Variants in PCDHGB6 observed in about 807,000 individuals in gnomAD.
PCDHGB6 encodes the protein protocadherin gamma-B6.
In PCDHGB6, 51 loss-of-function variants were observed where a neutral mutation model predicts 59.1. That is an observed-to-expected ratio of 0.86 (90% CI 0.69 to 1.09). The LOEUF is 1.09. Ranked by LOEUF, PCDHGB6 falls within the 50% of genes least tolerant of loss-of-function variation. The pLI is 0.00. For missense variants in PCDHGB6, 1,148 were observed against 1,205.1 expected (o/e 0.95, Z 0.70); for synonymous variants, 466 against 495.1 (o/e 0.94, Z 0.78).
intron 1 of PCDHGB6, among the ~76,000 whole-genome samples, chr5:141,451,829 C>T (rs564970982): frequency 1.2e-4 from 18 of 151,422 alleles, no homozygotes; most frequent in African/African-American, 4.1e-4. Flanking sequence ...TACAGTGAGC[C>T]GAGATCACAC....
chr5:141,455,928 C>T (rs1160778812), intron 1 of PCDHGB6, among the ~76,000 whole-genome samples: 3 of 151,158 alleles, frequency 2.0e-5, no homozygotes, highest in African/African-American at 4.9e-5. Context: ...GACGGAGTCT[C>T]GCTCTGTCGC....
chr5:141,409,766 C>G lies in PCDHGB6; in HGVS notation c.1564C>G (p.His522Asp). ...GGTGTTCGCGCAGCGCGCCTTTGAT[C>G]ACGAGCAGCTGCGCGCCTTCGCGCT... is the stretch of plus-strand genomic sequence containing the variant. ...GVVFAQRAFD[H>D]EQLRAFALTL... Residue 522 changes from histidine (H) to aspartate (D), a missense_variant, in exon 1 of 4, where the codon CAC becomes GAC. Physicochemically the swap from His to Asp is moderately conservative, Grantham distance 81. This residue lies in a region of PCDHGB6 where 549 missense variants were observed against 527.5 expected (regional missense o/e 1.04). Transcript: ENST00000520790. 1 of 1,612,910 alleles carries G rather than the reference C, an allele frequency of 6.2e-7. No individual in the cohort carries two copies. The highest frequency in any genetic ancestry group is 8.5e-7 in the Non-Finnish European group (1 of 1,179,794).
In PCDHGB6 at chr5:141,490,540, C is replaced by T; in HGVS notation, c.2419-4267C>T. The T allele has an allele frequency of 6.2e-7, 1 of 1,614,148 alleles. No homozygotes were observed. Among genetic ancestry groups the T allele is most frequent in the Non-Finnish European group, 8.5e-7 (1 of 1,180,024 alleles). ...GGCCAGCGATGCTGGTTCACCTTCC[C>T]TACACAAACATCTCACCATCAGGCT... On this transcript the variant is annotated intron_variant, in intron 1 of 3. Coordinates refer to ENST00000520790, the MANE Select transcript of PCDHGB6 (RefSeq NM_018926.3). This position sits in a 1 kb window ranked among gnomAD's most constrained non-coding sequence, Gnocchi z 5.4.
intron 1 of PCDHGB6, chr5:141,440,191 A>G (rs1239698049): frequency 1.3e-5 from 2 of 152,376 alleles, no homozygotes; most frequent in African/African-American, 4.8e-5. Context: ...GTTGAAGGCC[A>G]GGCATGGTGG....
intron 3 of PCDHGB6, among the ~76,000 whole-genome samples, chr5:141,509,450 C>A (rs2099876883): frequency 6.6e-6 from 1 of 152,128 alleles, no homozygotes; most frequent in Non-Finnish European, 1.5e-5. Context: ...CCTCTCCCAC[C>A]CCCGACCCAG....
At position 141,486,548 on chromosome 5, in the gene PCDHGB6, T is replaced by C; in HGVS notation, c.2419-8259T>C. 1 of 1,614,100 alleles carries C rather than the reference T, an allele frequency of 6.2e-7. No individual in the cohort carries two copies. ...TAATCCACCCTCTTTCTTTCAGAGG[T>C]CACATGAGGTGTTTGTTCCTGAGAA... is the stretch of plus-strand genomic sequence containing the variant. On this transcript the variant is annotated intron_variant, in intron 1 of 3. Coordinates refer to ENST00000520790, the MANE Select transcript of PCDHGB6 (RefSeq NM_018926.3). The surrounding 1 kb of genome is among the most constrained non-coding windows in gnomAD (Gnocchi z 5.0).
chr5:141,415,602 A>G (rs1208876851), intron 1 of PCDHGB6: 2 of 1,613,602 alleles, frequency 1.2e-6, no homozygotes, highest in African/African-American at 2.7e-5. Flanking sequence ...AGGATACCCC[A>G]TTGGTTCCAG....
At chr5:141,455,899 ATTTATTT>A (rs1441561749) in intron 1 of PCDHGB6, among the ~76,000 whole-genome samples, 5 of 148,258 alleles carry the variant, frequency 3.4e-5, no homozygotes, top group African/African-American at 1.2e-4. Context: ...TTATTTATTT[ATTTATTT>A]ATTTATTTTG....
chr5:141,408,965 C>A lies in PCDHGB6; in HGVS notation c.763C>A (p.Leu255Met). ...DEYRISLSEN[L>M]PPGSPVLQVT... ...ATATAGAATTAGTCTTAGTGAAAAT[C>A]TGCCCCCTGGGTCCCCTGTGTTGCA... The change falls in exon 1 of 4, where the codon CTG (leucine) becomes ATG (methionine). Residue 255 changes from leucine to methionine, a missense_variant. Leu to Met is a conservative substitution (Grantham distance 15). Around this residue, in one of 5 missense-constraint regions of PCDHGB6, gnomAD observed 307 missense variants for 323.8 expected, o/e 0.95. Transcript: ENST00000520790. 5 of 1,613,806 alleles carry A rather than the reference C, an allele frequency of 3.1e-6. No homozygotes were observed. The highest frequency in any genetic ancestry group is 4.2e-6 in the Non-Finnish European group (5 of 1,179,838).
intron 1 of PCDHGB6, chr5:141,414,354 T>C (rs1389145668): frequency 1.2e-6 from 2 of 1,613,800 alleles, no homozygotes; most frequent in Admixed American, 1.7e-5. Flanking sequence ...TTTTGGCGTA[T>C]CTACCATTTA....
intron 1 of PCDHGB6, among the ~76,000 whole-genome samples, chr5:141,438,647 CACACAT>C (rs1324641788): frequency 3.8e-5 from 4 of 106,486 alleles, no homozygotes; most frequent in South Asian, 2.8e-4. Flanking sequence ...CACACACACA[CACACAT>C]ATATGTATAT....
At chr5:141,417,710 T>A in intron 1 of PCDHGB6, 2 of 1,249,348 alleles carry the variant, frequency 1.6e-6, no homozygotes, top group Admixed American at 5.9e-5. Context: ...ACACAGAGGC[T>A]CCCGGCTGCG....
At chr5:141,481,649 C>G (rs1199734660) in intron 1 of PCDHGB6, among the ~76,000 whole-genome samples, 1 of 152,012 alleles carries the variant, frequency 6.6e-6, no homozygotes, top group African/African-American at 2.4e-5. Flanking sequence ...GAAACTTCAT[C>G]TCTACTAATA....
chr5:141,408,720 A>G lies in PCDHGB6; in HGVS notation c.518A>G (p.Asn173Ser), dbSNP rs1325828281. 6.2e-7 allele frequency: 1 copy of G among 1,611,214 alleles called. No individual in the cohort carries two copies. Among genetic ancestry groups the G allele is most frequent in the African/African-American group, 1.3e-5 (1 of 74,670 alleles). Residue 173 changes from asparagine (N) to serine (S), a missense_variant, in exon 1 of 4, where the codon AAC (asparagine) becomes AGC (serine). Coordinates refer to ENST00000520790, the MANE Select transcript of PCDHGB6 (RefSeq NM_018926.3). The stretch of plus-strand genomic sequence containing the variant: ...AACTCAATTAAAGATTATAAGATAA[A>G]CTCTAATCCTTATTTTTCATTAATG... ...NINSIKDYKI[N>S]SNPYFSLMVR... is the part of the protein sequence containing the mutation.
At position 141,512,574 on chromosome 5, in the gene PCDHGB6, C is replaced by T. The variant is rs1429371202; in HGVS notation, c.*1401C>T. 6.5e-6 allele frequency: 1 copy of T among 152,884 alleles called. No homozygotes were observed. Among genetic ancestry groups the T allele is most frequent in the Non-Finnish European group, 1.5e-5 (1 of 68,502 alleles). The allele number at this position is 152,884 out of a possible 1,614,324, so 9.5% of individuals were successfully genotyped here. On this transcript the variant is annotated 3_prime_UTR_variant, in exon 4 of 4. Coordinates refer to ENST00000520790, the MANE Select transcript of PCDHGB6 (RefSeq NM_018926.3). ...GTGCATAGACCTTCTTCTCCCACCCCCTTCTGCCCCTGGGTCCCCGGCCAT... is the reference window on the plus strand; with the variant it reads ...GTGCATAGACCTTCTTCTCCCACCCTCTTCTGCCCCTGGGTCCCCGGCCAT...
chr5:141,432,025 G>T lies in PCDHGB6; in HGVS notation c.2418+21405G>T. ...AGGTTCCTAGCTACAACATCACAGT[G>T]ACCGCCACTGACCGGGGAACCCCGC... On this transcript the variant is annotated intron_variant, in intron 1 of 3. Coordinates refer to ENST00000520790, the MANE Select transcript of PCDHGB6 (RefSeq NM_018926.3). The surrounding 1 kb of genome is among the most constrained non-coding windows in gnomAD (Gnocchi z 6.0). The T allele has an allele frequency of 6.2e-7, 1 of 1,614,158 alleles. No homozygotes were observed. The highest frequency in any genetic ancestry group is 1.1e-5 in the South Asian group (1 of 91,058).
chr5:141,408,188 G>A lies in PCDHGB6; in HGVS notation c.-15G>A. ...AACTGGAAAAGCGGGGACCCAGCGA[G>A]AACCCGAGCGAACGATGGGAGGGAG... On this transcript the variant is annotated 5_prime_UTR_variant, in exon 1 of 4. Coordinates refer to ENST00000520790, the MANE Select transcript of PCDHGB6 (RefSeq NM_018926.3). The A allele has an allele frequency of 3.9e-6, 6 of 1,543,620 alleles. No homozygotes were observed. The highest frequency in any genetic ancestry group is 4.4e-6 in the Non-Finnish European group (5 of 1,142,256).
rs1428628914 is a variant in PCDHGB6, at chr5:141,487,223, G to A, written c.2419-7584G>A. 1.2e-6 allele frequency: 2 copies of A among 1,614,076 alleles called. No homozygotes were observed. The highest frequency in any genetic ancestry group is 2.2e-5 in the East Asian group (1 of 44,866). The stretch of plus-strand genomic sequence containing the variant: ...TCTTCGAGAATCTTCAGCTCCAAGG[G>A]AAGGAGAATCTCGTCTAACCCTCTA... On this transcript the variant is annotated intron_variant, in intron 1 of 3. Transcript: ENST00000520790. This position sits in a 1 kb window ranked among gnomAD's most constrained non-coding sequence, Gnocchi z 5.0.
chr5:141,486,909 C>A lies in PCDHGB6; in HGVS notation c.2419-7898C>A, dbSNP rs759702188. On this transcript the variant is annotated intron_variant, in intron 1 of 3. Coordinates refer to ENST00000520790, the MANE Select transcript of PCDHGB6 (RefSeq NM_018926.3). The surrounding 1 kb of genome is among the most constrained non-coding windows in gnomAD (Gnocchi z 5.0). ...CGGCCTGGTTCCTTATGTCCCCAAGCACTGCCTCCATCAGTTGGTGCTGGC... is the reference window on the plus strand; with the variant it reads ...CGGCCTGGTTCCTTATGTCCCCAAGAACTGCCTCCATCAGTTGGTGCTGGC... 3.1e-6 allele frequency: 5 copies of A among 1,614,262 alleles called. No individual in the cohort carries two copies. The East Asian group carries it at 1.1e-4, about 36-fold the overall frequency.
Sources: gnomAD v4.1 joint callset for allele counts (sites outside exome capture counted in the v4.1 genomes callset) on GRCh38, gnomAD v4.1.1 for gene constraint, gnomAD v4.1.1 regional missense constraint, Gnocchi (gnomAD v3.1) non-coding constraint, MANE v1.5 for transcripts, NCBI Gene and HGNC (gene_info 2026-07-23, HGNC 2026-07-21) for gene names.